Variants in FBXL13 observed in about 807,000 individuals in gnomAD.
The protein encoded by FBXL13 is F-box and leucine rich repeat protein 13.
In FBXL13, 67 loss-of-function variants were observed where a neutral mutation model predicts 83.6. The ratio of observed to expected loss-of-function variants is 0.80; its 90% CI spans 0.66 to 0.98. The LOEUF is 0.98. Among genes scored for constraint, FBXL13 ranks in the 50% least tolerant of loss-of-function variants. The pLI, the probability that FBXL13 is intolerant of heterozygous loss-of-function variation, is 0.00. For synonymous variants in FBXL13, 272 were observed against 299.5 expected (o/e 0.91, Z 0.95); for missense variants, 822 against 866.5 (o/e 0.95, Z 0.64).
intron 8 of FBXL13, among the ~76,000 whole-genome samples, chr7:102,942,754 G>T (rs527535298): frequency 2.9e-4 from 44 of 152,162 alleles, no homozygotes; most frequent in Admixed American, 1.3e-4. Flanking sequence ...GGAATTATGG[G>T]TTTTTTCTGA....
intron 1 of FBXL13, among the ~76,000 whole-genome samples, chr7:103,062,174 T>C (rs531363072): frequency 1.3e-5 from 2 of 152,310 alleles, no homozygotes; most frequent in East Asian, 3.9e-4. Flanking sequence ...TGAAGAGTAC[T>C]TTCTTCCTCT....
chr7:102,985,189 T>G (rs1740111031), intron 6 of FBXL13, among the ~76,000 whole-genome samples: 2 of 152,212 alleles, frequency 1.3e-5, no homozygotes, highest in African/African-American at 4.8e-5. Flanking sequence ...ATCTGCAGGA[T>G]TCCCACCAGT....
intron 6 of FBXL13, among the ~76,000 whole-genome samples, chr7:103,002,749 C>T (rs1328948605): frequency 3.9e-5 from 6 of 152,316 alleles, no homozygotes; most frequent in African/African-American, 7.2e-5. Context: ...CTGGCCTATA[C>T]GGTTTCCACT....
At chr7:102,964,842 G>A (rs546937437) in intron 7 of FBXL13, among the ~76,000 whole-genome samples, 121 of 152,244 alleles carry the variant, frequency 7.9e-4, no homozygotes, top group Non-Finnish European at 1.5e-3. Context: ...ATTAACGAAA[G>A]ATAGGAAACA....
intron 6 of FBXL13, among the ~76,000 whole-genome samples, chr7:103,002,235 G>GT (rs1372526033): frequency 6.6e-6 from 1 of 152,048 alleles, no homozygotes. Context: ...GAAATGGCAA[G>GT]TTTTTTTAAA....
chr7:103,001,541 T>C (rs1790405106), intron 6 of FBXL13, among the ~76,000 whole-genome samples: 1 of 152,218 alleles, frequency 6.6e-6, no homozygotes, highest in Admixed American at 6.5e-5. Context: ...GGGAGATTGA[T>C]ATTTGTTTCA....
intron 6 of FBXL13, among the ~76,000 whole-genome samples, chr7:103,000,069 T>C (rs947339989): frequency 3.3e-5 from 5 of 152,210 alleles, no homozygotes; most frequent in African/African-American, 1.2e-4. Flanking sequence ...CTGTATCCCA[T>C]AGATTTTGGT....
intron 11 of FBXL13, among the ~76,000 whole-genome samples, chr7:102,900,152 A>AT (rs1054510852): frequency 2.6e-5 from 4 of 152,178 alleles, no homozygotes. Context: ...ATCATCATTT[A>AT]TTTTTTCTAA....
At chr7:103,040,239 T>C (rs1190420337) in intron 2 of FBXL13, among the ~76,000 whole-genome samples, 1 of 152,140 alleles carries the variant, frequency 6.6e-6, no homozygotes, top group Non-Finnish European at 1.5e-5. Flanking sequence ...GGCCACTACA[T>C]ATTGGTAAAG....
In FBXL13 at chr7:102,854,770, A is replaced by T. The variant is rs758899195; in HGVS notation, c.1719+7T>A. On this transcript the variant is annotated splice_region_variant and intron_variant, in intron 17 of 19. Coordinates refer to ENST00000313221, the Ensembl canonical transcript of FBXL13. Reference sequence around the variant, plus strand: ...AATTCTTTAACAGATGATCTTAATGATCTTACCTGAATTCCATCATCAGTG... The same window carrying T: ...AATTCTTTAACAGATGATCTTAATGTTCTTACCTGAATTCCATCATCAGTG... The T allele has an allele frequency of 6.6e-6, 10 of 1,523,942 alleles. No individual in the cohort carries two copies. The highest frequency in any genetic ancestry group is 7.1e-6 in the Non-Finnish European group (8 of 1,120,188). The allele number at this position is 1,523,942 out of a possible 1,614,324, so 94.4% of individuals were successfully genotyped here.
chr7:102,881,800 G>C (rs1810134259), intron 14 of FBXL13, among the ~76,000 whole-genome samples: 2 of 152,134 alleles, frequency 1.3e-5, no homozygotes, highest in Admixed American at 1.3e-4. Flanking sequence ...TCTGCTTCCA[G>C]GCTCACTCAC....
At chr7:102,836,224 A>G (rs1801951196) in intron 17 of FBXL13, among the ~76,000 whole-genome samples, 1 of 152,236 alleles carries the variant, frequency 6.6e-6, no homozygotes, top group African/African-American at 2.4e-5. Context: ...TACAAGGTCT[A>G]TGATACATTC....
chr7:102,939,644 T>A, intron 8 of FBXL13: 1 of 1,455,622 alleles, frequency 6.9e-7, no homozygotes, highest in Non-Finnish European at 9.4e-7. Context: ...TTTTTTTCTA[T>A]GGCAACACTT....
chr7:102,944,838 T>A (rs1477257511), intron 8 of FBXL13: 1 of 430,742 alleles, frequency 2.3e-6, no homozygotes, highest in Non-Finnish European at 4.0e-6. Flanking sequence ...AATTCCACAC[T>A]GGTAACCTGC....
At chr7:102,835,603 G>GTTTTTTTTTTTTTTT in intron 17 of FBXL13, among the ~76,000 whole-genome samples, 1 of 97,524 alleles carries the variant, frequency 1.0e-5, no homozygotes, top group Non-Finnish European at 1.9e-5. Context: ...AGGTGACATT[G>GTTTTTTTTTTTTTTT]TTTTTTTTTT....
At position 102,939,376 on chromosome 7, in the gene FBXL13, G is replaced by A. The variant is rs532528539; in HGVS notation, c.725-7443C>T. ...CAATCACACAGATATAACGGTGACC[G>A]AGGAAATGGGGGCAAAAAGAGCATA... On this transcript the variant is annotated intron_variant, in intron 8 of 19. Transcript: ENST00000313221. 6.1e-6 allele frequency: 9 copies of A among 1,472,458 alleles called. No homozygotes were observed. In the Admixed American group the frequency reaches 7.4e-5, roughly 12 times the overall value. The allele number at this position is 1,472,458 out of a possible 1,614,324, so 91.2% of individuals were successfully genotyped here.
chr7:102,861,861 A>G (rs1806886546), intron 16 of FBXL13, among the ~76,000 whole-genome samples: 1 of 151,960 alleles, frequency 6.6e-6, no homozygotes, highest in African/African-American at 2.4e-5. Flanking sequence ...AGGTGCTTGT[A>G]ATCCCGGCTA....
chr7:102,814,989 A>G (rs1797794554), intron 19 of FBXL13, among the ~76,000 whole-genome samples: 1 of 152,178 alleles, frequency 6.6e-6, no homozygotes, highest in Admixed American at 6.5e-5. Context: ...AGGTGAGATT[A>G]TCATATCTTT....
chr7:102,953,770 T>G (rs4620204), intron 8 of FBXL13, among the ~76,000 whole-genome samples: 1 of 152,006 alleles, frequency 6.6e-6, no homozygotes, highest in Non-Finnish European at 1.5e-5. Context: ...TCAACTACCA[T>G]TGCTATCATG....
Sources: allele counts gnomAD v4.1 joint callset (sites outside exome capture counted in the v4.1 genomes callset), GRCh38; gene constraint gnomAD v4.1.1; transcripts MANE v1.5; gene names NCBI Gene and HGNC (gene_info 2026-07-23, HGNC 2026-07-21).